Variants in THSD7B observed in about 807,000 individuals in gnomAD.
The protein encoded by THSD7B is thrombospondin type 1 domain containing 7B, also known as thrombospondin type-1 domain-containing protein 7B.
In THSD7B, 138 loss-of-function variants were observed where a neutral mutation model predicts 213.6. That is an observed-to-expected ratio of 0.65 (90% confidence interval 0.56 to 0.74). The LOEUF is 0.74. Ranked by LOEUF, THSD7B falls within the 30% of genes least tolerant of loss-of-function variation. The pLI is 0.00. For synonymous variants in THSD7B, 742 were observed against 687.0 expected (o/e 1.08, Z -1.25); for missense variants, 1,931 against 1,991.5 (o/e 0.97, Z 0.58).
intron 3 of THSD7B, among the ~76,000 whole-genome samples, chr2:137,072,860 A>C (rs1687527015): frequency 6.6e-6 from 1 of 152,158 alleles, no homozygotes; most frequent in Non-Finnish European, 1.5e-5. Context: ...TATTGAGATA[A>C]CCATGTGGTT....
chr2:137,369,722 C>T (rs1335085926), intron 12 of THSD7B, among the ~76,000 whole-genome samples: 1 of 152,208 alleles, frequency 6.6e-6, no homozygotes, highest in East Asian at 1.9e-4. Flanking sequence ...GTATTTCATC[C>T]TCATCATTTT....
intron 1 of THSD7B, among the ~76,000 whole-genome samples, chr2:136,878,148 C>T (rs990015860): frequency 1.3e-5 from 2 of 152,128 alleles, no homozygotes; most frequent in East Asian, 1.9e-4. Flanking sequence ...TCAATTCCCA[C>T]CTATGAATGA....
chr2:136,932,196 A>G (rs1180304624), intron 2 of THSD7B, among the ~76,000 whole-genome samples: 3 of 152,128 alleles, frequency 2.0e-5, no homozygotes. Flanking sequence ...TTTTTAGCTC[A>G]TTGTAGAAAT....
chr2:137,146,076 CAT>C (rs1290958326), intron 5 of THSD7B, among the ~76,000 whole-genome samples: 1 of 151,986 alleles, frequency 6.6e-6, no homozygotes, highest in Non-Finnish European at 1.5e-5. Flanking sequence ...CTTTTTATAA[CAT>C]GTCTGCTATT....
chr2:137,644,193 T>G (rs939734145), intron 21 of THSD7B, among the ~76,000 whole-genome samples: 1 of 152,208 alleles, frequency 6.6e-6, no homozygotes, highest in African/African-American at 2.4e-5. Flanking sequence ...ACTTCAGAGT[T>G]GCCCCAGATT....
intron 3 of THSD7B, among the ~76,000 whole-genome samples, chr2:137,062,851 A>C (rs573115902): frequency 6.6e-6 from 1 of 151,976 alleles, no homozygotes; most frequent in East Asian, 1.9e-4. Context: ...CAGTTCAACT[A>C]TGTTCTTACT....
intron 2 of THSD7B, among the ~76,000 whole-genome samples, chr2:136,990,098 G>T (rs1685742824): frequency 6.6e-6 from 1 of 152,172 alleles, no homozygotes; most frequent in Non-Finnish European, 1.5e-5. Context: ...AAAATATAAT[G>T]CAATTTTCTC....
intron 15 of THSD7B, among the ~76,000 whole-genome samples, chr2:137,514,327 G>A (rs554124571): frequency 4.6e-5 from 7 of 152,084 alleles, no homozygotes; most frequent in Non-Finnish European, 8.8e-5. Flanking sequence ...AGAATAAAAG[G>A]CAGGCAGAAG....
intron 15 of THSD7B, among the ~76,000 whole-genome samples, chr2:137,549,308 C>CTT (rs1680797969): frequency 1.0e-5 from 1 of 100,176 alleles, no homozygotes; most frequent in Non-Finnish European, 1.9e-5. Flanking sequence ...TTTTCAGATG[C>CTT]TCTTTTTTTT....
intron 3 of THSD7B, among the ~76,000 whole-genome samples, chr2:137,089,751 A>G (rs1687915851): frequency 6.6e-6 from 1 of 152,086 alleles, no homozygotes; most frequent in Non-Finnish European, 1.5e-5. Flanking sequence ...CTCACACATC[A>G]CCACTAAAGA....
chr2:137,510,620 C>T (rs965208439), intron 15 of THSD7B, among the ~76,000 whole-genome samples: 13 of 152,182 alleles, frequency 8.5e-5, no homozygotes, highest in African/African-American at 3.1e-4. Flanking sequence ...CACCAAAGGA[C>T]TTCTTTTAGT....
chr2:137,147,380 T>A (rs2104970841), intron 5 of THSD7B, among the ~76,000 whole-genome samples: 1 of 152,250 alleles, frequency 6.6e-6, no homozygotes, highest in East Asian at 1.9e-4. Context: ...TGAGTTAACT[T>A]GTTTAGTCTA....
intron 12 of THSD7B, among the ~76,000 whole-genome samples, chr2:137,335,112 A>G (rs1027354468): frequency 2.0e-5 from 3 of 152,192 alleles, no homozygotes; most frequent in Admixed American, 6.5e-5. Flanking sequence ...GTGGGAATGG[A>G]CTAATCCAGT....
chr2:137,564,984 T>C (rs1681204981), intron 16 of THSD7B, among the ~76,000 whole-genome samples: 1 of 152,140 alleles, frequency 6.6e-6, no homozygotes, highest in Non-Finnish European at 1.5e-5. Flanking sequence ...AATAAGGTTA[T>C]TGGTGTGGGC....
intron 17 of THSD7B, among the ~76,000 whole-genome samples, chr2:137,608,758 T>C (rs1422640465): frequency 6.6e-6 from 1 of 152,230 alleles, no homozygotes; most frequent in Non-Finnish European, 1.5e-5. Context: ...TAAGGAGCTA[T>C]TCCTCTATGC....
At chr2:137,231,287 A>G in intron 8 of THSD7B, 52 bp downstream of exon 8, 1 of 1,501,052 alleles carries the variant, frequency 6.7e-7, no homozygotes, top group South Asian at 1.3e-5. Flanking sequence ...AATTATTATC[A>G]TTTTTCCTCA....
chr2:137,063,992 CT>C (rs1687329073), intron 3 of THSD7B, among the ~76,000 whole-genome samples: 1 of 151,990 alleles, frequency 6.6e-6, no homozygotes, highest in Admixed American at 6.6e-5. Context: ...TCAGCTATCT[CT>C]TTTATGTACT....
chr2:137,417,332 G>C (rs1411429819), intron 14 of THSD7B, among the ~76,000 whole-genome samples: 1 of 152,142 alleles, frequency 6.6e-6, no homozygotes, highest in Non-Finnish European at 1.5e-5. Flanking sequence ...GTTGAGCTGG[G>C]AGAACATGCT....
chr2:137,066,018 G>A (rs112214470), intron 3 of THSD7B, among the ~76,000 whole-genome samples: 1,835 of 151,412 alleles, frequency 0.012, 23 homozygotes, highest in Middle Eastern at 0.024. Context: ...TTTTGTTTTC[G>A]TAGATCTGAG....
Sources: gnomAD v4.1 joint callset for allele counts (sites outside exome capture counted in the v4.1 genomes callset) on GRCh38, gnomAD v4.1.1 for gene constraint, MANE v1.5 for transcripts, NCBI Gene and HGNC (gene_info 2026-07-23, HGNC 2026-07-21) for gene names.